Variants in ILRUN observed in about 807,000 individuals in gnomAD.
ILRUN encodes the protein protein ILRUN.
A neutral mutation model predicts 33.8 loss-of-function variants in ILRUN; 3 were observed. The ratio of observed to expected loss-of-function variants is 0.09; its 90% confidence interval spans 0.04 to 0.23. The LOEUF is 0.23. Ranked by LOEUF, ILRUN falls within the 10% of genes least tolerant of loss-of-function variation. The pLI, the probability that ILRUN is intolerant of heterozygous loss-of-function variation, is 1.00. For missense variants in ILRUN, 210 were observed against 375.1 expected, an observed-to-expected ratio of 0.56 and a Z score of 3.64; for synonymous variants, 124 against 138.9, an observed-to-expected ratio of 0.89 and a Z score of 0.75.
intron 1 of ILRUN, among the ~76,000 whole-genome samples, chr6:34,659,782 C>T (rs1053758985): frequency 6.6e-6 from 1 of 151,654 alleles, no homozygotes; most frequent in African/African-American, 2.4e-5. Context: ...CCACCACGCT[C>T]GGCTAATTTT....
In ILRUN at chr6:34,606,430, G is replaced by T. The variant is rs567177501; in HGVS notation, c.861+125C>A. The T allele has an allele frequency of 9.1e-5, 62 of 681,592 alleles. No individual in the cohort carries two copies. In the South Asian group the frequency reaches 1.1e-3, roughly 12 times the overall value. 42.2% of individuals were successfully genotyped at this position (681,592 alleles called of 1,614,324 possible). On this transcript the variant is annotated intron_variant, in intron 4 of 4. Transcript: ENST00000374023. ...TTTTGCATTGTTGCTATTGGCAGGA[G>T]AGCTGAGCAGTCTTAAAGAACCTCC... is the stretch of plus-strand genomic sequence containing the variant.
intron 1 of ILRUN, among the ~76,000 whole-genome samples, chr6:34,689,567 T>C (rs752846858): frequency 3.3e-5 from 5 of 152,064 alleles, no homozygotes; most frequent in African/African-American, 9.7e-5. Flanking sequence ...CCAATATTAA[T>C]AGAAGTATTA....
chr6:34,672,951 CAG>C (rs1763147039), intron 1 of ILRUN, among the ~76,000 whole-genome samples: 1 of 152,100 alleles, frequency 6.6e-6, no homozygotes, highest in African/African-American at 2.4e-5. Flanking sequence ...ACTAGGGACA[CAG>C]CAAAGTTACC....
intron 1 of ILRUN, among the ~76,000 whole-genome samples, chr6:34,659,858 T>C (rs1762852147): frequency 6.6e-6 from 1 of 151,848 alleles, no homozygotes; most frequent in Non-Finnish European, 1.5e-5. Context: ...CAACCTCAGG[T>C]GATTCACCCG....
At chr6:34,690,977 T>C (rs1025699827) in intron 1 of ILRUN, among the ~76,000 whole-genome samples, 4 of 152,052 alleles carry the variant, frequency 2.6e-5, no homozygotes, top group Admixed American at 2.0e-4. Context: ...CTCCGCCTCC[T>C]GGGTTCATGC....
At chr6:34,668,483 A>G (rs927150175) in intron 1 of ILRUN, among the ~76,000 whole-genome samples, 1 of 152,186 alleles carries the variant, frequency 6.6e-6, no homozygotes, top group Non-Finnish European at 1.5e-5. Context: ...CGATAAACAC[A>G]TGCATAACAG....
At chr6:34,653,110 G>GT (rs1313614962) in intron 2 of ILRUN, among the ~76,000 whole-genome samples, 1 of 139,324 alleles carries the variant, frequency 7.2e-6, no homozygotes, top group Non-Finnish European at 1.5e-5. Context: ...CCCAGCCTGG[G>GT]TGACAGAGTG....
At chr6:34,643,696 T>C (rs1024757000) in intron 3 of ILRUN, among the ~76,000 whole-genome samples, 1 of 152,156 alleles carries the variant, frequency 6.6e-6, no homozygotes, top group Non-Finnish European at 1.5e-5. Flanking sequence ...AATTTATATA[T>C]CTTATTTTTA....
intron 3 of ILRUN, among the ~76,000 whole-genome samples, chr6:34,615,679 T>G (rs933164486): frequency 5.3e-5 from 8 of 152,152 alleles, no homozygotes; most frequent in African/African-American, 1.9e-4. Context: ...AGAGAGTGTT[T>G]TGATATCAAG....
intron 1 of ILRUN, among the ~76,000 whole-genome samples, chr6:34,694,671 T>C (rs1400893390): frequency 1.3e-5 from 2 of 152,128 alleles, no homozygotes; most frequent in Admixed American, 6.6e-5. Flanking sequence ...AAGAGTTTTC[T>C]AAACATCTAG....
chr6:34,654,494 A>G, intron 2 of ILRUN, 131 bp downstream of exon 2: 1 of 889,890 alleles, frequency 1.1e-6, no homozygotes, highest in East Asian at 2.6e-5. Flanking sequence ...GTACAAGAAA[A>G]TACTACATAT....
At chr6:34,593,422 G>A (rs1761335613) in intron 4 of ILRUN, among the ~76,000 whole-genome samples, 3 of 152,182 alleles carry the variant, frequency 2.0e-5, no homozygotes, top group African/African-American at 7.2e-5. Flanking sequence ...TCAAAAAGCT[G>A]TTGTATATTC....
chr6:34,605,334 A>AAAC lies in ILRUN; in HGVS notation c.861+1220_861+1221insGTT, dbSNP rs1380658408. ...AAACAAAAACAAAAAAAAAAAAAAAAAAAAAAAGGAGGGCTGGGCGTGGTG... is the reference window on the plus strand; with the variant it reads ...AAACAAAAACAAAAAAAAAAAAAAAAAACAAAAAAAGGAGGGCTGGGCGTGGTG... On this transcript the variant is annotated intron_variant, in intron 4 of 4. Coordinates refer to ENST00000374023, the MANE Select transcript of ILRUN (RefSeq NM_024294.4). 5.4e-5 allele frequency among the ~76,000 whole-genome samples: 8 copies of AAAC among 149,528 alleles called. No individual in the cohort carries two copies. In the East Asian group the frequency reaches 1.4e-3, roughly 26 times the overall value.
At chr6:34,598,777 A>T (rs1229439137) in intron 4 of ILRUN, among the ~76,000 whole-genome samples, 1 of 152,250 alleles carries the variant, frequency 6.6e-6, no homozygotes, top group Non-Finnish European at 1.5e-5. Context: ...GCCCATAGTT[A>T]TGTTTGCTTA....
chr6:34,642,633 AT>A (rs1485089496), intron 3 of ILRUN, among the ~76,000 whole-genome samples: 2 of 151,760 alleles, frequency 1.3e-5, no homozygotes, highest in Non-Finnish European at 2.9e-5. Context: ...ATGGCAACAA[AT>A]TTTTTTTGGC....
chr6:34,607,819 C>A (rs981729207), intron 3 of ILRUN, among the ~76,000 whole-genome samples: 1 of 152,106 alleles, frequency 6.6e-6, no homozygotes, highest in African/African-American at 2.4e-5. Flanking sequence ...TAAGGCCAGG[C>A]CAGATTTCAT....
intron 1 of ILRUN, among the ~76,000 whole-genome samples, chr6:34,688,739 G>C (rs1763581975): frequency 6.6e-6 from 1 of 151,974 alleles, no homozygotes; most frequent in African/African-American, 2.4e-5. Context: ...CTTGAATCCA[G>C]GAGGCAGAGG....
chr6:34,612,805 G>A (rs952138140), intron 3 of ILRUN, among the ~76,000 whole-genome samples: 4 of 152,132 alleles, frequency 2.6e-5, no homozygotes, highest in Non-Finnish European at 5.9e-5. Flanking sequence ...CATTTTGGGA[G>A]GCCAAGGCGG....
intron 2 of ILRUN, among the ~76,000 whole-genome samples, chr6:34,653,770 C>T (rs527600602): frequency 2.6e-5 from 4 of 151,656 alleles, no homozygotes; most frequent in Non-Finnish European, 5.9e-5. Context: ...CCCAAGAGTT[C>T]GAGATCAACC....
Sources: gnomAD v4.1 joint callset for allele counts (sites outside exome capture counted in the v4.1 genomes callset) on GRCh38, gnomAD v4.1.1 for gene constraint, MANE v1.5 for transcripts, NCBI Gene and HGNC (gene_info 2026-07-23, HGNC 2026-07-21) for gene names.